IL6ST: variants seen among roughly 807,000 people sequenced by gnomAD.
IL6ST encodes the protein interleukin 6 cytokine family signal transducer.
A neutral mutation model predicts 91.3 loss-of-function variants in IL6ST; 24 were observed. The ratio of observed to expected loss-of-function variants is 0.26; its 90% confidence interval spans 0.19 to 0.37. IL6ST has a LOEUF of 0.37. Among genes scored for constraint, IL6ST ranks in the 10% least tolerant of loss-of-function variants. The pLI, the probability that IL6ST is intolerant of heterozygous loss-of-function variation, is 1.00. For missense variants in IL6ST, 914 were observed against 1,078.5 expected (o/e 0.85, Z 2.14); for synonymous variants, 351 against 373.6 (o/e 0.94, Z 0.70).
chr5:55,987,522 A>C (rs1251249837), intron 1 of IL6ST, among the ~76,000 whole-genome samples: 2 of 152,208 alleles, frequency 1.3e-5, no homozygotes, highest in Non-Finnish European at 2.9e-5. Flanking sequence ...CTAAGACTGA[A>C]AGAGACCATC....
chr5:55,959,266 T>C (rs557820164), intron 8 of IL6ST, among the ~76,000 whole-genome samples: 10 of 152,312 alleles, frequency 6.6e-5, no homozygotes, highest in East Asian at 5.8e-4. Context: ...ACAGCAGCAA[T>C]AGCAAAATTG....
At chr5:55,964,434 C>A in intron 5 of IL6ST, 122 bp from the exon 6 acceptor site, 1 of 571,766 alleles carries the variant, frequency 1.7e-6, no homozygotes, top group Non-Finnish European at 3.1e-6. Flanking sequence ...TGCAATATAA[C>A]TGCTGGTCAC....
In IL6ST at chr5:55,953,262, CCTTTT is replaced by C. The variant is rs543741174; in HGVS notation, c.1451-916_1451-912del. 2.5e-3 allele frequency among the ~76,000 whole-genome samples: 382 copies of C among 152,268 alleles called. 1 individual carries two copies. The highest frequency in any genetic ancestry group is 3.6e-3 in the Non-Finnish European group (247 of 68,012). On this transcript the variant is annotated intron_variant, in intron 11 of 16. Coordinates refer to ENST00000381298, the MANE Select transcript of IL6ST (RefSeq NM_002184.4). Reference sequence around the variant, plus strand: ...CCTTTACCTTCTTAAACAGATTTTACCTTTTCTTAATGATTCAATATTACCAAAAA... The same window carrying C: ...CCTTTACCTTCTTAAACAGATTTTACCTTAATGATTCAATATTACCAAAAA...
rs1750633695 is a variant in IL6ST at position 55,937,853 on chromosome 5, T to C, written c.*3229A>G. On this transcript the variant is annotated 3_prime_UTR_variant, in exon 17 of 17. Transcript: ENST00000381298. ...GTATGGTTTAGGAATATGCTCTTAA[T>C]AACAACTGAGCAAAATTAGAATGAT... 5.1e-6 allele frequency: 1 copy of C among 196,440 alleles called. No individual in the cohort carries two copies. The highest frequency in any genetic ancestry group is 2.3e-5 in the African/African-American group (1 of 43,368). The allele number at this position is 196,440 out of a possible 1,614,324, so 12.2% of individuals were successfully genotyped here. A position where few individuals can be genotyped will look rare whatever the true frequency, so the allele number is the denominator to read the frequency against.
At chr5:55,986,115 A>C (rs1451479382) in intron 1 of IL6ST, among the ~76,000 whole-genome samples, 1 of 152,202 alleles carries the variant, frequency 6.6e-6, no homozygotes, top group Non-Finnish European at 1.5e-5. Context: ...GTGTTACATA[A>C]ATGGTCATTA....
Position 55,940,229 on chromosome 5 carries a change from T to G in IL6ST, c.*853A>C. On this transcript the variant is annotated 3_prime_UTR_variant, in exon 17 of 17. Transcript: ENST00000381298. ...ATTGGTTTTTTTTCCCCTTTACTAC[T>G]ACTTCCTGTTTTCCCCTTTACTACT... The G allele has an allele frequency of 4.7e-6, 1 of 210,536 alleles. No individual in the cohort carries two copies. The highest frequency in any genetic ancestry group is 7.1e-5 in the East Asian group (1 of 14,044). The allele number at this position is 210,536 out of a possible 1,614,324, so 13.0% of individuals were successfully genotyped here.
intron 9 of IL6ST, 35 bp downstream of exon 9, chr5:55,957,174 T>C (rs1331521577): frequency 6.3e-6 from 7 of 1,105,706 alleles, no homozygotes; most frequent in African/African-American, 1.6e-5. Flanking sequence ...AAAAAAAAGA[T>C]TTATAAGAGA....
intron 8 of IL6ST, among the ~76,000 whole-genome samples, chr5:55,960,100 G>C (rs1752222790): frequency 1.3e-5 from 2 of 152,034 alleles, no homozygotes; most frequent in South Asian, 2.1e-4. Context: ...TGGCCAGGCT[G>C]GTCTCAAACT....
chr5:55,979,170 T>A (rs74973390), intron 2 of IL6ST, among the ~76,000 whole-genome samples: 5,178 of 152,102 alleles, frequency 0.034, 176 homozygotes, highest in African/African-American at 0.087. Flanking sequence ...GGGGGAAGAA[T>A]TGCTTGAGGC....
At chr5:55,978,330 T>C (rs1753437513) in intron 2 of IL6ST, 1 of 152,256 alleles carries the variant, frequency 6.6e-6, no homozygotes, top group Admixed American at 6.5e-5. Context: ...AGGAAGCATG[T>C]CTGCCATTTA....
At chr5:55,944,533 T>C in intron 15 of IL6ST, 1 of 434,164 alleles carries the variant, frequency 2.3e-6, no homozygotes, top group South Asian at 2.2e-5. Flanking sequence ...ACTGCAAAAG[T>C]AAATTAAACA....
Position 55,941,616 on chromosome 5 carries a change from A to C in IL6ST, c.2223T>G (p.Ile741Met), listed in dbSNP as rs1750921408. 1 of 1,614,150 alleles carries C rather than the reference A, an allele frequency of 6.2e-7. No individual in the cohort carries two copies. Among genetic ancestry groups the C allele is most frequent in the Non-Finnish European group, 8.5e-7 (1 of 1,180,002 alleles). Residue 741 changes from isoleucine (I) to methionine (M), a missense_variant, in exon 17 of 17, where the codon ATT (isoleucine) becomes ATG (methionine). Ile to Met is a conservative substitution (Grantham distance 10, BLOSUM62 1). Transcript: ENST00000381298. ...AAGATTCATTTTCATCACTGCTAGA[A>C]ATGCTTGGCCTAGAAGATGACATGC... ...SSCMSSSRPS[I>M]SSSDENESSQ...
At chr5:55,959,667 A>T in intron 8 of IL6ST, 2 of 1,293,442 alleles carry the variant, frequency 1.5e-6, no homozygotes, top group Non-Finnish European at 2.0e-6. Flanking sequence ...GGGGCTTATC[A>T]AGTGCTATTA....
At chr5:55,948,425 T>A (rs1217938185) in intron 14 of IL6ST, among the ~76,000 whole-genome samples, 1 of 152,050 alleles carries the variant, frequency 6.6e-6, no homozygotes, top group African/African-American at 2.4e-5. Flanking sequence ...ACCACACATA[T>A]CCCTTTGTAA....
Position 55,941,137 on chromosome 5 carries a change from A to G in IL6ST, c.2702T>C (p.Met901Thr), listed in dbSNP as rs191125510. 44 of 1,614,080 alleles carry G rather than the reference A, an allele frequency of 2.7e-5. No homozygotes were observed. Among genetic ancestry groups the G allele is most frequent in the Admixed American group, 1.3e-4 (8 of 60,024 alleles). The change falls in exon 17 of 17, where the codon ATG becomes ACG. Residue 901 changes from methionine to threonine, a missense_variant. Transcript: ENST00000381298. ...VGMEAATDEG[M>T]PKSYLPQTVR... ...AGTCTGTGGTAAGTAACTTTTAGGC[A>G]TGCCTTCATCAGTCGCAGCCTCCAT...
intron 1 of IL6ST, among the ~76,000 whole-genome samples, chr5:55,990,114 A>T (rs921767857): frequency 6.6e-6 from 1 of 152,250 alleles, no homozygotes; most frequent in African/African-American, 2.4e-5. Flanking sequence ...ACAGATTTAC[A>T]GTGCTGAAAG....
At position 55,941,457 on chromosome 5, in the gene IL6ST, T is replaced by C. The variant is rs777292351; in HGVS notation, c.2382A>G (p.Glu794=). The C allele has an allele frequency of 1.2e-6, 2 of 1,614,092 alleles. No individual in the cohort carries two copies. The highest frequency in any genetic ancestry group is 1.7e-6 in the Non-Finnish European group (2 of 1,180,034). Residue 794 remains glutamate (E), a synonymous_variant, in exon 17 of 17, where the codon GAA becomes GAG. Coordinates refer to ENST00000381298, the MANE Select transcript of IL6ST (RefSeq NM_002184.4). Reference sequence around the variant, plus strand: ...CTACATGATCTACTAATTGTAGATCTTCTGGCCGCTCCTCTGAATCTAACA... The same window carrying C: ...CTACATGATCTACTAATTGTAGATCCTCTGGCCGCTCCTCTGAATCTAACA... ...QPLLDSEERP[E]DLQLVDHVDG... is the part of the protein sequence containing the mutation.
At chr5:55,954,390 ATCTGAGT>A (rs1363676726) in intron 11 of IL6ST, among the ~76,000 whole-genome samples, 7 of 152,228 alleles carry the variant, frequency 4.6e-5, no homozygotes, top group Non-Finnish European at 1.0e-4. Flanking sequence ...ACATAAGGAA[ATCTGAGT>A]TCTAGTTCTG....
chr5:55,983,357 G>A (rs1044360799), intron 1 of IL6ST, among the ~76,000 whole-genome samples: 3 of 152,108 alleles, frequency 2.0e-5, no homozygotes, highest in Non-Finnish European at 2.9e-5. Context: ...CTTCCCTGAC[G>A]TCTATGTAAT....
Sources: allele counts gnomAD v4.1 joint callset (sites outside exome capture counted in the v4.1 genomes callset), GRCh38; gene constraint gnomAD v4.1.1; transcripts MANE v1.5; gene names NCBI Gene and HGNC (gene_info 2026-07-23, HGNC 2026-07-21).